XRCC6: variants seen among roughly 807,000 people sequenced by gnomAD.
XRCC6 encodes DNA repair protein Ku70.
XRCC6 carries 5 observed loss-of-function variants against 65.7 expected under a neutral mutation model. The ratio of observed to expected loss-of-function variants is 0.08; its 90% CI spans 0.04 to 0.16. XRCC6 has a LOEUF of 0.16. Ranked by LOEUF, XRCC6 falls within the 10% of genes least tolerant of loss-of-function variation. XRCC6 has a pLI of 1.00. For missense variants in XRCC6, 447 were observed against 738.1 expected (o/e 0.61, Z 4.57); for synonymous variants, 270 against 270.6 (o/e 1.00, Z 0.02).
At chr22:41,653,396 C>T in intron 8 of XRCC6, 133 bp from the exon 9 acceptor site, 1 of 848,084 alleles carries the variant, frequency 1.2e-6, no homozygotes, top group Admixed American at 3.0e-5. Flanking sequence ...AGAGCGAGAC[C>T]CCGTCTCAAA....
At chr22:41,641,458 A>T (rs1015987472) in intron 6 of XRCC6, among the ~76,000 whole-genome samples, 7 of 152,204 alleles carry the variant, frequency 4.6e-5, no homozygotes, top group Non-Finnish European at 7.3e-5. Flanking sequence ...CCTTTGTATT[A>T]TAAGCAATCT....
intron 2 of XRCC6, among the ~76,000 whole-genome samples, chr22:41,624,975 C>T (rs560345454): frequency 3.3e-5 from 5 of 151,574 alleles, no homozygotes; most frequent in African/African-American, 1.2e-4. Flanking sequence ...CCAGCCTGGG[C>T]GACAGAGCGA....
chr22:41,623,341 A>G (rs931756662), intron 2 of XRCC6, among the ~76,000 whole-genome samples: 17 of 152,058 alleles, frequency 1.1e-4, no homozygotes, highest in African/African-American at 3.4e-4. Flanking sequence ...GGCCTCCCAA[A>G]GTTCTAGGTT....
chr22:41,633,160 G>A (rs2067773942), intron 3 of XRCC6, among the ~76,000 whole-genome samples: 1 of 151,862 alleles, frequency 6.6e-6, no homozygotes, highest in Non-Finnish European at 1.5e-5. Flanking sequence ...TAAAATAATA[G>A]AACTATGAAT....
At chr22:41,659,961 C>CA (rs1345407209) in intron 11 of XRCC6, among the ~76,000 whole-genome samples, 23 of 152,242 alleles carry the variant, frequency 1.5e-4, no homozygotes, top group African/African-American at 5.3e-4. Context: ...GCTGGGATTA[C>CA]AGGCAAGAGC....
At chr22:41,636,092 T>TA in intron 3 of XRCC6, 21 bp from the exon 4 acceptor site, 1 of 1,563,954 alleles carries the variant, frequency 6.4e-7, no homozygotes, top group Non-Finnish European at 8.6e-7. Context: ...AAGTAAATAT[T>TA]AATTGAATTT....
Position 41,663,800 on chromosome 22 carries a change from G to C in XRCC6, c.1815G>C (p.Lys605Asn). ...AGGAGCTGCTGGAAGCCCTCACCAA[G>C]CACTTCCAGGACTGACCAGAGGCCG... ...KKQELLEALT[K>N]HFQD Residue 605 changes from lysine (K) to asparagine (N), a missense_variant, in exon 13 of 13, where the codon AAG becomes AAC. Lys to Asn is a moderately conservative substitution (Grantham distance 94). This residue lies in a region of XRCC6 where 201 missense variants were observed against 374.1 expected (regional missense o/e 0.54). Transcript: ENST00000360079. The C allele has an allele frequency of 6.2e-7, 1 of 1,613,394 alleles. No homozygotes were observed. Among genetic ancestry groups the C allele is most frequent in the Non-Finnish European group, 8.5e-7 (1 of 1,179,864 alleles).
chr22:41,645,130 G>C (rs934082817), intron 6 of XRCC6, among the ~76,000 whole-genome samples: 1 of 151,670 alleles, frequency 6.6e-6, no homozygotes, highest in African/African-American at 2.4e-5. Context: ...GAGAAAGCCT[G>C]TCTCTACTAA....
intron 6 of XRCC6, among the ~76,000 whole-genome samples, chr22:41,642,322 G>GT (rs1332274731): frequency 1.3e-5 from 2 of 152,144 alleles, no homozygotes; most frequent in African/African-American, 4.8e-5. Context: ...TTATGTTAGA[G>GT]TTTTTTCCTG....
intron 2 of XRCC6, among the ~76,000 whole-genome samples, chr22:41,626,483 C>G (rs1188534746): frequency 6.6e-6 from 1 of 151,692 alleles, no homozygotes; most frequent in Non-Finnish European, 1.5e-5. Flanking sequence ...GAGACAGAGT[C>G]TTGCTCTGTG....
At chr22:41,638,188 G>A (rs574877615) in intron 6 of XRCC6, among the ~76,000 whole-genome samples, 1 of 152,220 alleles carries the variant, frequency 6.6e-6, no homozygotes, top group East Asian at 1.9e-4. Context: ...CCTCCATTTC[G>A]TGGGGGTAGA....
chr22:41,629,859 C>T (rs1015374687), intron 3 of XRCC6, among the ~76,000 whole-genome samples: 3 of 151,680 alleles, frequency 2.0e-5, no homozygotes, highest in Non-Finnish European at 2.9e-5. Flanking sequence ...TTAGTAGAGA[C>T]GGGGTTTCAC....
chr22:41,663,981 C>A lies in XRCC6; in HGVS notation c.*166C>A. The A allele has an allele frequency of 1.4e-6, 1 of 736,098 alleles. No homozygotes were observed. The highest frequency in any genetic ancestry group is 2.2e-6 in the Non-Finnish European group (1 of 453,912). 45.6% of individuals were successfully genotyped at this position (736,098 alleles called of 1,614,324 possible). A position where few individuals can be genotyped will look rare whatever the true frequency, so the allele number is the denominator to read the frequency against. On this transcript the variant is annotated 3_prime_UTR_variant, in exon 13 of 13. Coordinates refer to ENST00000360079, the MANE Select transcript of XRCC6 (RefSeq NM_001469.5). Reference sequence around the variant, plus strand: ...TCTGTTGCCATGGTGATGGTGTAGCCCTCCCACTTTGCTGTTCCTTACTTT... The same window carrying A: ...TCTGTTGCCATGGTGATGGTGTAGCACTCCCACTTTGCTGTTCCTTACTTT...
chr22:41,633,231 C>G (rs988818390), intron 3 of XRCC6, among the ~76,000 whole-genome samples: 6 of 152,168 alleles, frequency 3.9e-5, no homozygotes, highest in Non-Finnish European at 5.9e-5. Context: ...CATTAAAACA[C>G]AGACTACAGA....
intron 6 of XRCC6, among the ~76,000 whole-genome samples, chr22:41,644,555 G>T (rs1042123636): frequency 6.6e-6 from 1 of 152,096 alleles, no homozygotes; most frequent in African/African-American, 2.4e-5. Flanking sequence ...GCACGATCTT[G>T]CCTCACTGCA....
intron 6 of XRCC6, 144 bp downstream of exon 6, chr22:41,637,935 G>A (rs1001169044): frequency 1.4e-6 from 1 of 697,938 alleles, no homozygotes; most frequent in African/African-American, 2.0e-5. Flanking sequence ...ACCAGCTTGG[G>A]CAACATGGCA....
intron 5 of XRCC6, 101 bp downstream of exon 5, chr22:41,636,871 C>T: frequency 6.9e-7 from 1 of 1,441,790 alleles, no homozygotes; most frequent in African/African-American, 1.4e-5. Context: ...CCTCAGCCTC[C>T]CAAGTAGCTG....
intron 2 of XRCC6, among the ~76,000 whole-genome samples, chr22:41,625,218 C>T (rs112276813): frequency 0.049 from 7,490 of 151,886 alleles, 607 homozygotes; most frequent in African/African-American, 0.17. Flanking sequence ...GCGGGAGAAT[C>T]GCTTGAACAC....
rs370423216 is a variant in XRCC6, at chr22:41,636,220, T to C, written c.303T>C (p.Asn101=). 1 of 1,603,044 alleles carries C rather than the reference T, an allele frequency of 6.2e-7. No individual in the cohort carries two copies. The highest frequency in any genetic ancestry group is 1.4e-5 in the African/African-American group (1 of 73,870). The change falls in exon 4 of 13, where the codon AAT becomes AAC. Residue 101 remains asparagine (N), a synonymous_variant. Transcript: ENST00000360079. ...ACAAAAATTCAGTGAATTTTAAAAA[T>C]ATTTACGTCTTACAGGAGCTGGATA... The part of the protein sequence containing the change: ...EKDKNSVNFK[N]IYVLQELDNP...
Sources: gnomAD v4.1 joint callset for allele counts (sites outside exome capture counted in the v4.1 genomes callset) on GRCh38, gnomAD v4.1.1 for gene constraint, gnomAD v4.1.1 regional missense constraint, MANE v1.5 for transcripts, NCBI Gene and HGNC (gene_info 2026-07-23, HGNC 2026-07-21) for gene names.